Variants in NSRP1 observed in about 807,000 individuals in gnomAD.
NSRP1 encodes the protein nuclear speckle splicing regulatory protein 1.
A neutral mutation model predicts 54.7 loss-of-function variants in NSRP1; 24 were observed. The observed-to-expected ratio is 0.44, with a 90% CI of 0.32 to 0.62. The LOEUF (loss-of-function observed/expected upper bound fraction) is 0.62. Among genes scored for constraint, NSRP1 ranks in the 20% least tolerant of loss-of-function variants. NSRP1 has a pLI of 0.06. For missense variants in NSRP1, 596 were observed against 651.2 expected (o/e 0.92, Z 0.92); for synonymous variants, 210 against 213.8 (o/e 0.98, Z 0.15).
rs115619436 is a variant in NSRP1 at position 30,167,841 on chromosome 17, A to C, written c.115-4701A>C. Among the ~76,000 whole-genome samples the C allele has an allele frequency of 4.0e-3, 615 of 152,316 alleles. 3 individuals are homozygous for C. Among genetic ancestry groups the C allele is most frequent in the African/African-American group, 0.014 (567 of 41,562 alleles). On this transcript the variant is annotated intron_variant, in intron 2 of 6. Transcript: ENST00000247026. ...ACTCGTTTTTCCTTTAATGTTAATAACATTCTGTGTTTTCATTTTATGTGA... is the reference window on the plus strand; with the variant it reads ...ACTCGTTTTTCCTTTAATGTTAATACCATTCTGTGTTTTCATTTTATGTGA...
At chr17:30,145,954 A>G (rs1314418518) in intron 2 of NSRP1, among the ~76,000 whole-genome samples, 2 of 152,144 alleles carry the variant, frequency 1.3e-5, no homozygotes, top group African/African-American at 2.4e-5. Flanking sequence ...GGCTCAAGCA[A>G]TTCCCCCACT....
intron 2 of NSRP1, among the ~76,000 whole-genome samples, chr17:30,119,040 A>G (rs897775564): frequency 2.7e-5 from 4 of 150,320 alleles, no homozygotes; most frequent in Non-Finnish European, 5.9e-5. Context: ...AAGCCACCGC[A>G]CCCAGTAAAT....
At chr17:30,171,976 C>CCCTCT (rs1904959777) in intron 2 of NSRP1, among the ~76,000 whole-genome samples, 1 of 80,350 alleles carries the variant, frequency 1.2e-5, no homozygotes, top group Non-Finnish European at 2.5e-5. Flanking sequence ...ACACACACTC[C>CCCTCT]CTCTCTCTCT....
intron 2 of NSRP1, among the ~76,000 whole-genome samples, chr17:30,165,200 AG>A (rs1242495353): frequency 1.3e-5 from 2 of 152,194 alleles, no homozygotes; most frequent in African/African-American, 4.8e-5. Context: ...TGGCTTATAA[AG>A]GAGTAGTGCA....
chr17:30,157,419 T>C (rs1904348313), intron 2 of NSRP1, among the ~76,000 whole-genome samples: 1 of 152,208 alleles, frequency 6.6e-6, no homozygotes, highest in Admixed American at 6.5e-5. Flanking sequence ...GGGGTATCCA[T>C]CACCTAGAAT....
intron 2 of NSRP1, among the ~76,000 whole-genome samples, chr17:30,130,741 T>A (rs1318054406): frequency 2.0e-5 from 3 of 152,224 alleles, no homozygotes; most frequent in African/African-American, 7.2e-5. Context: ...TGTGTCTTGC[T>A]GCAAATAATG....
intron 2 of NSRP1, among the ~76,000 whole-genome samples, chr17:30,164,330 T>C (rs1249651563): frequency 6.6e-6 from 1 of 152,222 alleles, no homozygotes; most frequent in African/African-American, 2.4e-5. Context: ...TTTCCTGAGA[T>C]TTTGATAAAG....
intron 2 of NSRP1, among the ~76,000 whole-genome samples, chr17:30,171,968 ACACACTCCCTCTCT>A (rs1904953248): frequency 8.4e-6 from 1 of 119,696 alleles, no homozygotes; most frequent in African/African-American, 3.1e-5. Flanking sequence ...ACACACACAC[ACACACTCCCTCTCT>A]CTCTCTCTCT....
chr17:30,174,333 A>G (rs760506530), intron 3 of NSRP1, among the ~76,000 whole-genome samples: 18 of 152,114 alleles, frequency 1.2e-4, no homozygotes, highest in Non-Finnish European at 1.8e-4. Flanking sequence ...TCGCACCTAT[A>G]TTACATACTT....
intron 2 of NSRP1, chr17:30,122,428 C>T (rs1284926529): frequency 8.1e-5 from 4 of 49,618 alleles, no homozygotes; most frequent in African/African-American, 1.4e-4. Flanking sequence ...TTTTTTGAGA[C>T]GGAGTTTTAC....
chr17:30,182,260 T>C (rs1270692970), intron 6 of NSRP1, among the ~76,000 whole-genome samples: 1 of 152,124 alleles, frequency 6.6e-6, no homozygotes, highest in Non-Finnish European at 1.5e-5. Context: ...AACCCAGCCT[T>C]CCTAAAATGT....
intron 6 of NSRP1, 61 bp from the exon 7 acceptor site, chr17:30,184,554 T>C (rs1905433792): frequency 6.7e-7 from 1 of 1,502,058 alleles, no homozygotes; most frequent in East Asian, 2.3e-5. Flanking sequence ...ACCCTTCATT[T>C]GCTTATTACA....
chr17:30,152,806 C>T (rs980154526), intron 2 of NSRP1, among the ~76,000 whole-genome samples: 3 of 150,652 alleles, frequency 2.0e-5, no homozygotes, highest in African/African-American at 4.9e-5. Context: ...TCTTCACATA[C>T]GTTTCTCTTT....
chr17:30,151,621 A>G (rs2071911226), intron 2 of NSRP1, among the ~76,000 whole-genome samples: 1 of 152,166 alleles, frequency 6.6e-6, no homozygotes, highest in Admixed American at 6.5e-5. Context: ...TCTGAGTGCC[A>G]GAGACAGAAG....
Position 30,185,931 on chromosome 17 carries a change from C to A in NSRP1, c.*257C>A, listed in dbSNP as rs986822916. Reference sequence around the variant, plus strand: ...AGAACCGTTAAGAGTGTGCTAATTCCCTGTAGGTACATAATGAGGAAAATT... The same window carrying A: ...AGAACCGTTAAGAGTGTGCTAATTCACTGTAGGTACATAATGAGGAAAATT... On this transcript the variant is annotated 3_prime_UTR_variant, in exon 7 of 7. Transcript: ENST00000247026. 20 of 271,242 alleles carry A rather than the reference C, an allele frequency of 7.4e-5. No individual in the cohort carries two copies. The highest frequency in any genetic ancestry group is 2.0e-5 in the Non-Finnish European group (3 of 147,000). The allele number at this position is 271,242 out of a possible 1,614,324, so 16.8% of individuals were successfully genotyped here. A position where few individuals can be genotyped will look rare whatever the true frequency, so the allele number is the denominator to read the frequency against.
intron 6 of NSRP1, among the ~76,000 whole-genome samples, chr17:30,182,882 TGA>T (rs1249126369): frequency 2.6e-5 from 4 of 152,126 alleles, no homozygotes; most frequent in Non-Finnish European, 5.9e-5. Flanking sequence ...TGCAGTGAGC[TGA>T]GATTGCGCCA....
At chr17:30,175,789 A>C (rs1905104760) in intron 3 of NSRP1, among the ~76,000 whole-genome samples, 1 of 152,152 alleles carries the variant, frequency 6.6e-6, no homozygotes, top group Non-Finnish European at 1.5e-5. Context: ...TTTATGGTCC[A>C]GTATATAGTC....
At chr17:30,123,539 GA>G (rs1229491651) in intron 2 of NSRP1, among the ~76,000 whole-genome samples, 2 of 152,120 alleles carry the variant, frequency 1.3e-5, no homozygotes, top group Non-Finnish European at 2.9e-5. Context: ...CACTTTTCTT[GA>G]AAATATCCTT....
chr17:30,143,446 C>A (rs9890075), intron 2 of NSRP1, among the ~76,000 whole-genome samples: 84,790 of 151,768 alleles, frequency 0.56, 24,463 homozygotes, highest in East Asian at 0.82. Context: ...TACTGGGGAC[C>A]CTGCACACCT....
Sources: allele counts gnomAD v4.1 joint callset (sites outside exome capture counted in the v4.1 genomes callset), GRCh38; gene constraint gnomAD v4.1.1; transcripts MANE v1.5; gene names NCBI Gene and HGNC (gene_info 2026-07-23, HGNC 2026-07-21).